Variants in GRIA2 observed in about 807,000 individuals in gnomAD.
The protein encoded by GRIA2 is glutamate receptor 2.
A neutral mutation model predicts 97.3 loss-of-function variants in GRIA2; 14 were observed. The observed-to-expected ratio is 0.14, with a 90% CI of 0.10 to 0.23. The LOEUF is 0.23. Among genes scored for constraint, GRIA2 ranks in the 10% least tolerant of loss-of-function variants. The pLI, the probability that GRIA2 is intolerant of heterozygous loss-of-function variation, is 1.00. For missense variants in GRIA2, 558 were observed against 1,069.8 expected (o/e 0.52, Z 6.67); for synonymous variants, 412 against 387.8 (o/e 1.06, Z -0.73).
chr4:157,240,890 T>C (rs1340452363), intron 2 of GRIA2, among the ~76,000 whole-genome samples: 1 of 149,880 alleles, frequency 6.7e-6, no homozygotes, highest in Non-Finnish European at 1.5e-5. Flanking sequence ...CCCCAGAGTG[T>C]GATGTTCCCC....
intron 2 of GRIA2, among the ~76,000 whole-genome samples, chr4:157,255,276 C>T (rs1731189400): frequency 1.3e-5 from 2 of 151,924 alleles, no homozygotes; most frequent in Admixed American, 6.6e-5. Context: ...CACACACACA[C>T]ACACCATATT....
intron 13 of GRIA2, 104 bp from the exon 14 acceptor site, chr4:157,360,906 A>G: frequency 1.3e-6 from 1 of 798,052 alleles, no homozygotes; most frequent in Non-Finnish European, 2.1e-6. Flanking sequence ...TTTTTTTGTG[A>G]CAAGAGTTGC....
chr4:157,295,271 G>T (rs1177356024), intron 2 of GRIA2, among the ~76,000 whole-genome samples: 2 of 152,084 alleles, frequency 1.3e-5, no homozygotes, highest in Non-Finnish European at 2.9e-5. Flanking sequence ...CAGCCTCATT[G>T]TCTTCTACTG....
intron 6 of GRIA2, among the ~76,000 whole-genome samples, chr4:157,326,394 C>A (rs1323303434): frequency 6.6e-6 from 1 of 152,084 alleles, no homozygotes; most frequent in African/African-American, 2.4e-5. Flanking sequence ...TTATCTCCTC[C>A]TACTTGAAAG....
intron 9 of GRIA2, 111 bp from the exon 10 acceptor site, chr4:157,335,560 C>T (rs1735244865): frequency 1.5e-6 from 1 of 687,986 alleles, no homozygotes; most frequent in Non-Finnish European, 2.6e-6. Context: ...CATCTATATT[C>T]TTCATTCACT....
At chr4:157,319,673 C>T (rs1358680796) in intron 5 of GRIA2, among the ~76,000 whole-genome samples, 1 of 152,124 alleles carries the variant, frequency 6.6e-6, no homozygotes, top group Non-Finnish European at 1.5e-5. Flanking sequence ...ATCTTCCAAA[C>T]TCTTGAGACT....
At chr4:157,294,962 ATG>A (rs948074828) in intron 2 of GRIA2, among the ~76,000 whole-genome samples, 3 of 152,166 alleles carry the variant, frequency 2.0e-5, no homozygotes, top group Non-Finnish European at 4.4e-5. Context: ...AAGATAAAGA[ATG>A]AGACTATCAC....
chr4:157,302,155 G>A (rs1325840699), intron 2 of GRIA2, among the ~76,000 whole-genome samples: 1 of 148,250 alleles, frequency 6.7e-6, no homozygotes, highest in Non-Finnish European at 1.5e-5. Flanking sequence ...TCCAGCCTGA[G>A]TGACGAGCAG....
At chr4:157,356,125 T>A (rs1244720274) in intron 12 of GRIA2, among the ~76,000 whole-genome samples, 1 of 129,976 alleles carries the variant, frequency 7.7e-6, no homozygotes, top group African/African-American at 2.9e-5. Flanking sequence ...TTATATATAT[T>A]TATATATATT....
intron 6 of GRIA2, among the ~76,000 whole-genome samples, chr4:157,327,924 C>T (rs1243406806): frequency 2.6e-5 from 4 of 152,008 alleles, no homozygotes; most frequent in African/African-American, 7.2e-5. Flanking sequence ...ATTAATTCTG[C>T]TTCTTGAGTG....
chr4:157,340,939 G>A (rs1735521138), intron 11 of GRIA2, among the ~76,000 whole-genome samples: 1 of 151,920 alleles, frequency 6.6e-6, no homozygotes, highest in African/African-American at 2.4e-5. Flanking sequence ...CTTACATCAT[G>A]AGTGGATAAA....
intron 2 of GRIA2, among the ~76,000 whole-genome samples, chr4:157,241,113 G>A (rs1348911230): frequency 6.6e-6 from 1 of 152,026 alleles, no homozygotes; most frequent in African/African-American, 2.4e-5. Flanking sequence ...TCTAAGAACG[G>A]GTATTTTGGT....
Position 157,221,053 on chromosome 4 carries a change from T to C in GRIA2, c.11T>C (p.Ile4Thr). Residue 4 changes from isoleucine (I) to threonine (T), a missense_variant, in exon 1 of 16, where the codon ATT (isoleucine) becomes ACT (threonine). By Grantham distance (89) the Ile-to-Thr change is moderately conservative. Transcript: ENST00000264426. ...CTACTTTTCTTGGAAATGCAAAAGA[T>C]TATGCATATTTCTGTCCTCCTTTCT... MQK[I>T]MHISVLLSPV... 1 of 1,569,426 alleles carries C rather than the reference T, an allele frequency of 6.4e-7. No individual in the cohort carries two copies. The highest frequency in any genetic ancestry group is 8.8e-7 in the Non-Finnish European group (1 of 1,139,190).
At position 157,335,666 on chromosome 4, in the gene GRIA2, T is replaced by C. The variant is rs898470719; in HGVS notation, c.1267-5T>C. 12 of 1,560,862 alleles carry C rather than the reference T, an allele frequency of 7.7e-6. No individual in the cohort carries two copies. Among genetic ancestry groups the C allele is most frequent in the Non-Finnish European group, 1.1e-5 (12 of 1,132,010 alleles). ...AATCAGCTAAAGCAAAGTCTTTTCA[T>C]ATAGGAATCTCCGTATGTTATGATG... On this transcript the variant is annotated splice_polypyrimidine_tract_variant and splice_region_variant and intron_variant, in intron 9 of 15. Coordinates refer to ENST00000264426, the MANE Select transcript of GRIA2 (RefSeq NM_001083619.3).
chr4:157,290,286 C>T (rs987483174), intron 2 of GRIA2, among the ~76,000 whole-genome samples: 3 of 151,696 alleles, frequency 2.0e-5, no homozygotes, highest in Non-Finnish European at 4.4e-5. Flanking sequence ...ATTTTGCAAA[C>T]AATTTGGCAA....
At chr4:157,343,505 C>T (rs1735636266) in intron 12 of GRIA2, among the ~76,000 whole-genome samples, 1 of 151,998 alleles carries the variant, frequency 6.6e-6, no homozygotes, top group Non-Finnish European at 1.5e-5. Context: ...TGGTTACATC[C>T]ACACTTGTTT....
intron 2 of GRIA2, among the ~76,000 whole-genome samples, chr4:157,234,883 G>A (rs1042892295): frequency 3.1e-4 from 47 of 152,216 alleles, no homozygotes; most frequent in Admixed American, 1.8e-3. Context: ...GTTGTGCGGG[G>A]TGGTTGGGGG....
At chr4:157,355,652 A>ATATTTATTTATATT (rs1736233470) in intron 12 of GRIA2, among the ~76,000 whole-genome samples, 2 of 108,802 alleles carry the variant, frequency 1.8e-5, no homozygotes, top group Non-Finnish European at 1.7e-5. Flanking sequence ...TTATTTATAT[A>ATATTTATTTATATT]TTTATTTATA....
At chr4:157,256,225 TA>T (rs1179603121) in intron 2 of GRIA2, among the ~76,000 whole-genome samples, 1 of 121,556 alleles carries the variant, frequency 8.2e-6, no homozygotes, top group Non-Finnish European at 1.7e-5. Flanking sequence ...ATATAATATA[TA>T]ATATATAATA....
Sources: allele counts gnomAD v4.1 joint callset (sites outside exome capture counted in the v4.1 genomes callset), GRCh38; gene constraint gnomAD v4.1.1; transcripts MANE v1.5; gene names NCBI Gene and HGNC (gene_info 2026-07-23, HGNC 2026-07-21).